SFRP4: variants seen among roughly 807,000 people sequenced by gnomAD.
SFRP4 encodes secreted frizzled-related protein 4.
A neutral mutation model predicts 36.3 loss-of-function variants in SFRP4; 25 were observed. That is an observed-to-expected ratio of 0.69 (90% CI 0.50 to 0.96). The LOEUF (loss-of-function observed/expected upper bound fraction) is 0.96. SFRP4 is among the 40% of genes least tolerant of loss of function. The pLI is 0.00. For synonymous variants in SFRP4, 182 were observed against 168.8 expected (o/e 1.08, Z -0.60); for missense variants, 487 against 459.6 (o/e 1.06, Z -0.54).
rs758346872 is a variant in SFRP4, at chr7:37,912,253, A to C, written c.657T>G (p.Asp219Glu). The C allele has an allele frequency of 1.1e-5, 17 of 1,614,128 alleles. No homozygotes were observed. The South Asian group carries it at 1.9e-4, about 18-fold the overall frequency. Residue 219 changes from aspartate to glutamate, a missense_variant, in exon 4 of 6, where the codon GAT (aspartate) becomes GAG (glutamate). Physicochemically the swap from Asp to Glu is conservative, Grantham distance 45. Coordinates refer to ENST00000436072, the MANE Select transcript of SFRP4 (RefSeq NM_003014.4). ...SGCNEVTTVV[D>E]VKEIFKSSSP... ...ATGAGGACTTGAAGATCTCTTTTACATCCACCACCGTTGTGACCTCATTGC... is the reference window on the plus strand; with the variant it reads ...ATGAGGACTTGAAGATCTCTTTTACCTCCACCACCGTTGTGACCTCATTGC...
chr7:37,913,047 G>A (rs1785519786), intron 3 of SFRP4, among the ~76,000 whole-genome samples: 2 of 152,072 alleles, frequency 1.3e-5, no homozygotes, highest in Admixed American at 6.5e-5. Context: ...CATCAAGGTC[G>A]TTCAAAGGCC....
chr7:37,914,584 G>T (rs1425441918), intron 1 of SFRP4, 131 bp from the exon 2 acceptor site: 2 of 737,950 alleles, frequency 2.7e-6, no homozygotes, highest in Non-Finnish European at 4.7e-6. Context: ...GTAAAAATGG[G>T]CCAGGCGAAG....
rs533456777 is a variant in SFRP4 at position 37,916,620 on chromosome 7, G to A, written c.-83C>T. ...CACCCTCATCTTTCGCTGTCCCTTC[G>A]CCGAGGAAGAAATCCTCTGGGGCGC... On this transcript the variant is annotated 5_prime_UTR_variant, in exon 1 of 6. Coordinates refer to ENST00000436072, the MANE Select transcript of SFRP4 (RefSeq NM_003014.4). The surrounding 1 kb of genome is among the most constrained non-coding windows in gnomAD (Gnocchi z 4.1). The A allele has an allele frequency of 4.6e-6, 7 of 1,505,552 alleles. No homozygotes were observed. In the Middle Eastern group the frequency reaches 5.2e-4, roughly 111 times the overall value. 93.3% of individuals were successfully genotyped at this position (1,505,552 alleles called of 1,614,324 possible). A position where few individuals can be genotyped will look rare whatever the true frequency, so the allele number is the denominator to read the frequency against.
rs1650038853 is a variant in SFRP4 at position 37,916,423 on chromosome 7, T to A, written c.115A>T (p.Ile39Phe). 1 of 1,614,056 alleles carries A rather than the reference T, an allele frequency of 6.2e-7. No individual in the cohort carries two copies. Among genetic ancestry groups the A allele is most frequent in the Admixed American group, 1.7e-5 (1 of 60,028 alleles). Residue 39 changes from isoleucine (I) to phenylalanine (F), a missense_variant, in exon 1 of 6, where the codon ATC becomes TTC. Coordinates refer to ENST00000436072, the MANE Select transcript of SFRP4 (RefSeq NM_003014.4). The surrounding 1 kb of genome is among the most constrained non-coding windows in gnomAD (Gnocchi z 4.1). The stretch of plus-strand genomic sequence containing the variant: ...TGCAGGTGGTTGGGCATCCGCGTGA[T>A]GTTCCAGGGCATGTGCCGGCACATA... The part of the protein sequence containing the change: ...IPMCRHMPWN[I>F]TRMPNHLHHS...
chr7:37,915,202 G>T (rs1467939463), intron 1 of SFRP4, among the ~76,000 whole-genome samples: 1 of 152,092 alleles, frequency 6.6e-6, no homozygotes, highest in African/African-American at 2.4e-5. Flanking sequence ...CCAAAACCAA[G>T]CATAACCCTC....
chr7:37,911,518 G>C (rs1226853876), intron 4 of SFRP4, among the ~76,000 whole-genome samples: 3 of 152,134 alleles, frequency 2.0e-5, no homozygotes, highest in Non-Finnish European at 4.4e-5. Flanking sequence ...AGAGGCCAGG[G>C]AGACAAATAC....
At chr7:37,907,704 A>G (rs781512197) in intron 5 of SFRP4, 40 bp from the exon 6 acceptor site, 3 of 1,494,178 alleles carry the variant, frequency 2.0e-6, no homozygotes, top group Non-Finnish European at 2.8e-6. Context: ...AAATTATCTC[A>G]CCCCTTTATG....
In SFRP4 at chr7:37,906,068, G is replaced by A. The variant is rs1161675319; in HGVS notation, c.*1411C>T. The A allele has an allele frequency of 6.6e-6, 1 of 152,086 alleles. No individual in the cohort carries two copies. Among genetic ancestry groups the A allele is most frequent in the Admixed American group, 6.6e-5 (1 of 15,254 alleles). The allele number at this position is 152,086 out of a possible 1,614,324, so 9.4% of individuals were successfully genotyped here. On this transcript the variant is annotated 3_prime_UTR_variant, in exon 6 of 6. Transcript: ENST00000436072. ...GAAATGAGATGGTTTCTGCTTTCTT[G>A]ACAGGAAAACTTATCTCAATAAAGG...
chr7:37,911,757 T>C (rs985836013), intron 4 of SFRP4, among the ~76,000 whole-genome samples: 2 of 152,222 alleles, frequency 1.3e-5, no homozygotes, highest in Admixed American at 1.3e-4. Flanking sequence ...ACTTACTTGA[T>C]CTGTAAGCTA....
intron 5 of SFRP4, among the ~76,000 whole-genome samples, chr7:37,908,153 C>T (rs118125906): frequency 0.017 from 2,515 of 152,306 alleles, 43 homozygotes; most frequent in Middle Eastern, 0.068. Flanking sequence ...TCACTTCATT[C>T]TCCCACATCC....
chr7:37,911,206 C>G (rs1173902434), intron 4 of SFRP4, among the ~76,000 whole-genome samples: 2 of 152,142 alleles, frequency 1.3e-5, no homozygotes, highest in African/African-American at 4.8e-5. Context: ...ACCAAGAACT[C>G]AAGGTGATAT....
chr7:37,914,590 C>T (rs540196022), intron 1 of SFRP4, 137 bp from the exon 2 acceptor site: 31 of 710,474 alleles, frequency 4.4e-5, no homozygotes, highest in East Asian at 1.1e-4. Context: ...ATGGGCCAGG[C>T]GAAGTGGCTC....
intron 3 of SFRP4, among the ~76,000 whole-genome samples, chr7:37,913,467 A>G (rs986166354): frequency 5.3e-5 from 8 of 152,268 alleles, no homozygotes; most frequent in African/African-American, 1.9e-4. Flanking sequence ...AATGAAATAT[A>G]AAGTAGGCAG....
At chr7:37,914,988 C>G (rs535250102) in intron 1 of SFRP4, among the ~76,000 whole-genome samples, 44 of 152,304 alleles carry the variant, frequency 2.9e-4, no homozygotes, top group African/African-American at 9.6e-4. Flanking sequence ...ATTTGCCTAT[C>G]CAAGCACAAA....
In SFRP4 at chr7:37,909,668, A is replaced by G. The variant is rs763497705; in HGVS notation, c.804T>C (p.Leu268=). 1.9e-6 allele frequency: 3 copies of G among 1,579,738 alleles called. No homozygotes were observed. Among genetic ancestry groups the G allele is most frequent in the South Asian group, 2.3e-5 (2 of 85,392 alleles). The change falls in exon 5 of 6, where the codon CTT becomes CTC. Residue 268 remains leucine, a synonymous_variant. Transcript: ENST00000436072. ...CYEWRSRMML[L]ENCLVEKWRD... ...TCCATTTTTCAACTAAGCAATTTTC[A>G]AGAAGCATCATCCTGAAAAAAAATT...
intron 3 of SFRP4, among the ~76,000 whole-genome samples, chr7:37,912,560 A>T (rs1785512348): frequency 6.6e-6 from 1 of 152,230 alleles, no homozygotes; most frequent in Non-Finnish European, 1.5e-5. Flanking sequence ...CAAGCTGAAA[A>T]GCAGGTTTTA....
Position 37,912,334 on chromosome 7 carries a change from G to A in SFRP4, c.593-17C>T, listed in dbSNP as rs200668057. 2 of 1,606,136 alleles carry A rather than the reference G, an allele frequency of 1.2e-6. No individual in the cohort carries two copies. The highest frequency in any genetic ancestry group is 1.7e-6 in the Non-Finnish European group (2 of 1,172,980). On this transcript the variant is annotated splice_polypyrimidine_tract_variant and intron_variant, in intron 3 of 5. Transcript: ENST00000436072. ...CATGAATAACTGCAATTTAAAAATA[G>A]ATAAAAGTGTTGTTGAAGGTTTTGG...
chr7:37,916,255 T>C lies in SFRP4; in HGVS notation c.283A>G (p.Lys95Glu). The change falls in exon 1 of 6, where the codon AAG becomes GAG. Residue 95 changes from lysine to glutamate, a missense_variant. Physicochemically the swap from Lys to Glu is moderately conservative, Grantham distance 56. Transcript: ENST00000436072. This position sits in a 1 kb window ranked among gnomAD's most constrained non-coding sequence, Gnocchi z 4.1. ...CTLEFLHDPI[K>E]PCKSVCQRAR... ...CGTTGGCACACCGACTTGCACGGCTTGATAGGGTCGTGCAGGAACTCCAGG... is the reference window on the plus strand; with the variant it reads ...CGTTGGCACACCGACTTGCACGGCTCGATAGGGTCGTGCAGGAACTCCAGG... 1 of 1,614,126 alleles carries C rather than the reference T, an allele frequency of 6.2e-7. No homozygotes were observed. The highest frequency in any genetic ancestry group is 1.1e-5 in the South Asian group (1 of 91,082).
At chr7:37,910,427 A>G (rs1785464972) in intron 4 of SFRP4, among the ~76,000 whole-genome samples, 1 of 151,626 alleles carries the variant, frequency 6.6e-6, no homozygotes, top group African/African-American at 2.4e-5. Flanking sequence ...TAAGATTACT[A>G]TTTTTTCATA....
Sources: gnomAD v4.1 joint callset for allele counts (sites outside exome capture counted in the v4.1 genomes callset) on GRCh38, gnomAD v4.1.1 for gene constraint, Gnocchi (gnomAD v3.1) non-coding constraint, MANE v1.5 for transcripts, NCBI Gene and HGNC (gene_info 2026-07-23, HGNC 2026-07-21) for gene names.